CDKL1: variants seen among roughly 807,000 people sequenced by gnomAD.
CDKL1 encodes cyclin dependent kinase like 1, also known as cyclin-dependent kinase-like 1.
Under a neutral mutation model 42.0 loss-of-function variants are expected in CDKL1, and 41 were observed. The ratio of observed to expected loss-of-function variants is 0.98; its 90% CI spans 0.76 to 1.27. The LOEUF is 1.27. CDKL1 is among the 50% of genes most tolerant of loss of function. CDKL1 has a pLI of 0.00. For synonymous variants in CDKL1, 153 were observed against 158.6 expected (o/e 0.96, Z 0.26); for missense variants, 394 against 428.4 (o/e 0.92, Z 0.71).
chr14:50,382,994 C>A (rs1384601880), intron 2 of CDKL1, among the ~76,000 whole-genome samples: 1 of 151,446 alleles, frequency 6.6e-6, no homozygotes, highest in Non-Finnish European at 1.5e-5. Flanking sequence ...GTGGCACGAT[C>A]TCTGCTCACT....
chr14:50,359,401 GAAGA>G (rs1178070829), intron 2 of CDKL1, among the ~76,000 whole-genome samples: 2 of 151,996 alleles, frequency 1.3e-5, no homozygotes, highest in Non-Finnish European at 2.9e-5. Flanking sequence ...AAAAAAGAAT[GAAGA>G]GAGAGGGGAG....
chr14:50,390,752 T>G (rs989861078), intron 2 of CDKL1, among the ~76,000 whole-genome samples: 2 of 152,250 alleles, frequency 1.3e-5, no homozygotes, highest in African/African-American at 4.8e-5. Context: ...GGAGTTCAAG[T>G]GCATCCAACT....
At position 50,396,208 on chromosome 14, in the gene CDKL1, A is replaced by G. The variant is rs1229216398; in HGVS notation, c.-340T>C. The G allele has an allele frequency of 5.0e-5, 51 of 1,027,142 alleles. No homozygotes were observed. In the African/African-American group the frequency reaches 5.1e-4, roughly 10 times the overall value. 63.6% of individuals were successfully genotyped at this position (1,027,142 alleles called of 1,614,324 possible). A position where few individuals can be genotyped will look rare whatever the true frequency, so the allele number is the denominator to read the frequency against. ...CTCAAAAAAAAAAAAAAAAAAAAAA[A>G]AAAAAGAAAGAAAGAAAAGAAAAGA... On this transcript the variant is annotated 5_prime_UTR_variant, in exon 2 of 10. Transcript: ENST00000395834.
At chr14:50,391,442 G>T (rs1414947819) in intron 2 of CDKL1, among the ~76,000 whole-genome samples, 1 of 152,192 alleles carries the variant, frequency 6.6e-6, no homozygotes, top group African/African-American at 2.4e-5. Flanking sequence ...GAGCACAGGG[G>T]CACGATCTCA....
At chr14:50,341,424 G>A (rs2033520079) in intron 5 of CDKL1, among the ~76,000 whole-genome samples, 192 bp from the exon 6 acceptor site, 3 of 127,202 alleles carry the variant, frequency 2.4e-5, no homozygotes, top group Admixed American at 1.0e-4. Context: ...CCACACTCCA[G>A]TCCAATTAAA....
intron 3 of CDKL1, among the ~76,000 whole-genome samples, chr14:50,352,538 G>A (rs1595301361): frequency 1.3e-5 from 2 of 152,128 alleles, no homozygotes; most frequent in African/African-American, 4.8e-5. Context: ...GAGAGGAATG[G>A]TGAGACATAA....
chr14:50,350,219 A>G (rs1001185445), intron 3 of CDKL1, among the ~76,000 whole-genome samples: 1 of 152,208 alleles, frequency 6.6e-6, no homozygotes, highest in Non-Finnish European at 1.5e-5. Context: ...CCTAAGGAAG[A>G]TGTTCTTAAA....
intron 2 of CDKL1, among the ~76,000 whole-genome samples, chr14:50,360,816 G>GTT (rs1446787134): frequency 6.6e-6 from 1 of 151,470 alleles, no homozygotes; most frequent in Non-Finnish European, 1.5e-5. Flanking sequence ...GTGTGTGTGT[G>GTT]TGTGTGTGTG....
chr14:50,395,621 C>T, intron 2 of CDKL1, 80 bp downstream of exon 2: 1 of 951,922 alleles, frequency 1.1e-6, no homozygotes, highest in Admixed American at 2.1e-5. Context: ...GAGCTATGAT[C>T]ACATGGCTGC....
At chr14:50,383,585 C>A (rs1170271540) in intron 2 of CDKL1, among the ~76,000 whole-genome samples, 1 of 130,474 alleles carries the variant, frequency 7.7e-6, no homozygotes, top group African/African-American at 2.9e-5. Flanking sequence ...ACAACAACAA[C>A]AACAAAATGC....
chr14:50,356,706 A>G (rs1346887019), intron 3 of CDKL1, among the ~76,000 whole-genome samples: 2 of 152,224 alleles, frequency 1.3e-5, no homozygotes, highest in Non-Finnish European at 2.9e-5. Flanking sequence ...TAAATCTTAT[A>G]TTTGATTTCC....
chr14:50,380,162 C>T (rs1282459420), intron 2 of CDKL1: 1 of 530,776 alleles, frequency 1.9e-6, no homozygotes, highest in African/African-American at 1.9e-5. Flanking sequence ...AAGGGCCAAA[C>T]ACAAGCTCCT....
chr14:50,336,222 T>C, intron 7 of CDKL1: 1 of 1,327,802 alleles, frequency 7.5e-7, no homozygotes, highest in Non-Finnish European at 1.0e-6. Flanking sequence ...GCAGAGGGAC[T>C]GGGGCACAGA....
Position 50,393,146 on chromosome 14 carries a change from C to T in CDKL1, c.168+2555G>A, listed in dbSNP as rs142865294. Among the ~76,000 whole-genome samples the T allele has an allele frequency of 2.9e-3, 449 of 152,290 alleles. 1 individual carries two copies. Among genetic ancestry groups the T allele is most frequent in the Middle Eastern group, 0.017 (5 of 294 alleles). ...CTGAAATGCCTTATCTCTCATTCCA[C>T]GTTTCCCTAAACATTTCAAAGTTCA... On this transcript the variant is annotated intron_variant, in intron 2 of 9. Transcript: ENST00000395834.
chr14:50,326,726 C>G lies in CDKL1; in HGVS notation c.*3348G>C. On this transcript the variant is annotated 3_prime_UTR_variant, in exon 10 of 10. Transcript: ENST00000395834. ...AAACAGTAAAAACTAGTGGGCTATG[C>G]TTAGGTTTTTCTTGAAACCTAACAT... 2.0e-6 allele frequency: 2 copies of G among 985,406 alleles called. No homozygotes were observed. Among genetic ancestry groups the G allele is most frequent in the Non-Finnish European group, 2.4e-6 (2 of 829,920 alleles). The allele number at this position is 985,406 out of a possible 1,614,324, so 61.0% of individuals were successfully genotyped here.
intron 3 of CDKL1, among the ~76,000 whole-genome samples, chr14:50,353,501 C>G (rs2033964458): frequency 7.0e-6 from 1 of 143,612 alleles, no homozygotes; most frequent in Admixed American, 7.1e-5. Context: ...TCTGGCCAAA[C>G]TCTTGTAAAA....
chr14:50,387,235 T>G (rs982754320), intron 2 of CDKL1, among the ~76,000 whole-genome samples: 1,550 of 89,862 alleles, frequency 0.017, no homozygotes, highest in Middle Eastern at 0.023. Flanking sequence ...GGGGTGGGGG[T>G]GGTGGGCCTG....
chr14:50,392,844 C>G (rs2035298161), intron 2 of CDKL1, among the ~76,000 whole-genome samples: 1 of 152,186 alleles, frequency 6.6e-6, no homozygotes, highest in South Asian at 2.1e-4. Flanking sequence ...GTCTCTCTAT[C>G]ACAGTGAACA....
At chr14:50,377,374 C>A (rs1259301662) in intron 2 of CDKL1, among the ~76,000 whole-genome samples, 1 of 152,166 alleles carries the variant, frequency 6.6e-6, no homozygotes, top group African/African-American at 2.4e-5. Context: ...AGAGGCCTGG[C>A]AGGATGAGTC....
Sources: gnomAD v4.1 joint callset for allele counts (sites outside exome capture counted in the v4.1 genomes callset) on GRCh38, gnomAD v4.1.1 for gene constraint, MANE v1.5 for transcripts, NCBI Gene and HGNC (gene_info 2026-07-23, HGNC 2026-07-21) for gene names.